ACER3: variants seen among roughly 807,000 people sequenced by gnomAD.
ACER3 encodes alkaline ceramidase 3.
A neutral mutation model predicts 48.9 loss-of-function variants in ACER3; 16 were observed. That is an observed-to-expected ratio of 0.33 (90% CI 0.22 to 0.50). The LOEUF (loss-of-function observed/expected upper bound fraction) is 0.50, where lower values mean the gene tolerates loss of function less well. Among genes scored for constraint, ACER3 ranks in the 20% least tolerant of loss-of-function variants. ACER3 has a pLI of 0.98. For missense variants in ACER3, 227 were observed against 326.0 expected, an observed-to-expected ratio of 0.70 and a Z score of 2.34; for synonymous variants, 109 against 107.8, an observed-to-expected ratio of 1.01 and a Z score of -0.07.
chr11:76,952,137 TATACACAC>T (rs1231741573), intron 2 of ACER3, among the ~76,000 whole-genome samples: 2 of 74,368 alleles, frequency 2.7e-5, no homozygotes, highest in African/African-American at 6.0e-5. Context: ...TATATATATA[TATACACAC>T]ACACACACAC....
At chr11:76,952,206 G>T (rs972527932) in intron 2 of ACER3, among the ~76,000 whole-genome samples, 1 of 150,792 alleles carries the variant, frequency 6.6e-6, no homozygotes, top group African/African-American at 2.4e-5. Flanking sequence ...AAAAATTGGT[G>T]AATCTGAACC....
At chr11:76,913,354 C>A (rs368621363) in intron 1 of ACER3, among the ~76,000 whole-genome samples, 29 of 152,162 alleles carry the variant, frequency 1.9e-4, no homozygotes, top group African/African-American at 6.5e-4. Flanking sequence ...AATTGAATAC[C>A]CTTTATTTCT....
At chr11:76,930,965 T>C (rs1946985009) in intron 2 of ACER3, among the ~76,000 whole-genome samples, 2 of 150,434 alleles carry the variant, frequency 1.3e-5, no homozygotes. Flanking sequence ...GAGAGTTCTG[T>C]AGATGTCTAT....
chr11:76,993,377 C>G (rs1948842295), intron 6 of ACER3, among the ~76,000 whole-genome samples: 1 of 152,184 alleles, frequency 6.6e-6, no homozygotes, highest in African/African-American at 2.4e-5. Context: ...TAAATGTTAA[C>G]TAACATTAAT....
chr11:76,894,876 T>C (rs1449665121), intron 1 of ACER3, among the ~76,000 whole-genome samples: 2 of 152,170 alleles, frequency 1.3e-5, no homozygotes, highest in Admixed American at 1.3e-4. Flanking sequence ...TCCCTTAGGA[T>C]CTTAATCTGC....
intron 7 of ACER3, among the ~76,000 whole-genome samples, chr11:77,012,821 G>A (rs1367511373): frequency 2.6e-5 from 4 of 152,130 alleles, no homozygotes; most frequent in African/African-American, 9.7e-5. Context: ...GCAAAAGACT[G>A]CGAATAGCCA....
At chr11:77,010,821 A>G (rs1949248353) in intron 7 of ACER3, among the ~76,000 whole-genome samples, 1 of 152,224 alleles carries the variant, frequency 6.6e-6, no homozygotes, top group Non-Finnish European at 1.5e-5. Context: ...CTAGAAGACC[A>G]ATGCCTTCAA....
chr11:76,927,332 A>G (rs1946857154), intron 2 of ACER3, among the ~76,000 whole-genome samples: 1 of 152,208 alleles, frequency 6.6e-6, no homozygotes, highest in Non-Finnish European at 1.5e-5. Context: ...TAAATCAGCT[A>G]TACCAGAGCC....
At chr11:76,896,799 T>C (rs1945941210) in intron 1 of ACER3, among the ~76,000 whole-genome samples, 1 of 152,210 alleles carries the variant, frequency 6.6e-6, no homozygotes, top group African/African-American at 2.4e-5. Flanking sequence ...GGATTTTTTT[T>C]CTATTGAAGT....
intron 7 of ACER3, among the ~76,000 whole-genome samples, chr11:77,010,135 T>G (rs1949231395): frequency 6.6e-6 from 1 of 150,932 alleles, no homozygotes; most frequent in South Asian, 2.1e-4. Flanking sequence ...TAAAGAAATG[T>G]ATTCTTGTGA....
chr11:76,930,057 C>G (rs1946951737), intron 2 of ACER3, among the ~76,000 whole-genome samples: 1 of 151,598 alleles, frequency 6.6e-6, no homozygotes. Flanking sequence ...CCAGCTCCTC[C>G]TTGTACCTCT....
chr11:76,891,906 A>G (rs1945815187), intron 1 of ACER3, among the ~76,000 whole-genome samples: 2 of 152,254 alleles, frequency 1.3e-5, no homozygotes, highest in African/African-American at 2.4e-5. Context: ...CCAGAATTAT[A>G]TAGTTGGATT....
intron 1 of ACER3, among the ~76,000 whole-genome samples, chr11:76,926,221 C>T (rs1403528015): frequency 1.3e-5 from 2 of 152,290 alleles, no homozygotes; most frequent in South Asian, 4.2e-4. Flanking sequence ...TTCAGTGCAT[C>T]AGTATAGGCT....
intron 1 of ACER3, among the ~76,000 whole-genome samples, chr11:76,919,226 T>C (rs563913967): frequency 6.6e-5 from 10 of 152,348 alleles, no homozygotes; most frequent in South Asian, 6.2e-4. Flanking sequence ...GGGTTTTATG[T>C]ATTCAGCCAA....
intron 4 of ACER3, among the ~76,000 whole-genome samples, chr11:76,984,873 C>T (rs917103804): frequency 6.6e-6 from 1 of 152,028 alleles, no homozygotes; most frequent in Non-Finnish European, 1.5e-5. Flanking sequence ...TTATTACATC[C>T]TTATTTATTG....
rs1254891211 is a variant in ACER3, at chr11:77,020,823, T to C, written c.*496T>C. The C allele has an allele frequency of 2.6e-5, 4 of 154,344 alleles. No homozygotes were observed. Among genetic ancestry groups the C allele is most frequent in the Non-Finnish European group, 5.8e-5 (4 of 69,402 alleles). 9.6% of individuals were successfully genotyped at this position (154,344 alleles called of 1,614,324 possible). On this transcript the variant is annotated 3_prime_UTR_variant, in exon 11 of 11. Coordinates refer to ENST00000532485, the MANE Select transcript of ACER3 (RefSeq NM_018367.7). The stretch of plus-strand genomic sequence containing the variant: ...AATATTGTATTAATCTCATGGATGG[T>C]TCTCAAAGGTAAAAAAAGAGAGAGA...
intron 1 of ACER3, among the ~76,000 whole-genome samples, chr11:76,886,929 T>G (rs1409156756): frequency 6.6e-6 from 1 of 152,164 alleles, no homozygotes; most frequent in East Asian, 1.9e-4. Flanking sequence ...CCTCCCGCCT[T>G]GGCCTCCCAA....
chr11:76,934,822 C>G (rs1396402610), intron 2 of ACER3, among the ~76,000 whole-genome samples: 1 of 152,014 alleles, frequency 6.6e-6, no homozygotes, highest in Non-Finnish European at 1.5e-5. Context: ...TCTTTACTCT[C>G]TCTATAAAAT....
At chr11:76,896,973 T>C (rs1296940993) in intron 1 of ACER3, among the ~76,000 whole-genome samples, 1 of 152,072 alleles carries the variant, frequency 6.6e-6, no homozygotes, top group Non-Finnish European at 1.5e-5. Context: ...TCTGTTTGTT[T>C]TTGAGACAGA....
Sources: gnomAD v4.1 joint callset for allele counts (sites outside exome capture counted in the v4.1 genomes callset) on GRCh38, gnomAD v4.1.1 for gene constraint, MANE v1.5 for transcripts, NCBI Gene and HGNC (gene_info 2026-07-23, HGNC 2026-07-21) for gene names.